The following POLR1F variants were observed in gnomAD, a reference collection of about 807,000 sequenced individuals.
POLR1F encodes the protein RNA polymerase I subunit F.
POLR1F carries 23 observed loss-of-function variants against 21.8 expected under a neutral mutation model. The observed-to-expected ratio is 1.05, with a 90% CI of 0.76 to 1.49. The LOEUF is 1.49. Ranked by LOEUF, POLR1F falls within the 40% of genes most tolerant of loss-of-function variation. The probability of loss-of-function intolerance (pLI) is 0.00; values close to 1 mark genes in which losing one functional copy is unlikely to be tolerated. For synonymous variants in POLR1F, 162 were observed against 152.8 expected (o/e 1.06, Z -0.45); for missense variants, 435 against 412.1 (o/e 1.06, Z -0.48).
chr7:19,707,159 A>C (rs866191524), intron 1 of POLR1F, among the ~76,000 whole-genome samples: 60 of 152,196 alleles, frequency 3.9e-4, no homozygotes, highest in African/African-American at 1.4e-3. Context: ...ACATTATCTT[A>C]ATTCCTCTCC....
rs112570349 is a variant in POLR1F, at chr7:19,704,282, T to G, written c.396+497A>C. Among the ~76,000 whole-genome samples, 981 of 152,264 alleles carry G rather than the reference T, an allele frequency of 6.4e-3. 7 individuals are homozygous for G. Among genetic ancestry groups the G allele is most frequent in the Middle Eastern group, 0.01 (3 of 294 alleles). ...TAAAAAAGGATCTATTTCAGCAGAT[T>G]TTGTATCAATATCTGCATTTCCAGC... On this transcript the variant is annotated intron_variant, in intron 2 of 3. Transcript: ENST00000222567.
chr7:19,698,880 G>A lies in POLR1F; in HGVS notation c.606-153C>T, dbSNP rs367908865. 2.6e-5 allele frequency among the ~76,000 whole-genome samples: 4 copies of A among 152,024 alleles called. No individual in the cohort carries two copies. The East Asian group carries it at 7.7e-4, about 29-fold the overall frequency. ...GCATAAATTCCAAATATTCTATCCT[G>A]TTATCCCTCAACCCACTAAAATATG... On this transcript the variant is annotated intron_variant, in intron 3 of 3. Coordinates refer to ENST00000222567, the MANE Select transcript of POLR1F (RefSeq NM_001002926.2).
chr7:19,702,246 T>G (rs1783455301), intron 2 of POLR1F, among the ~76,000 whole-genome samples: 1 of 152,226 alleles, frequency 6.6e-6, no homozygotes, highest in Non-Finnish European at 1.5e-5. Context: ...ATATGGGAAC[T>G]CTATACTCTC....
At chr7:19,701,441 T>A (rs566409723) in intron 2 of POLR1F, among the ~76,000 whole-genome samples, 1 of 152,268 alleles carries the variant, frequency 6.6e-6, no homozygotes, top group South Asian at 2.1e-4. Context: ...GGATAACTAT[T>A]CCGTATCATA....
At chr7:19,707,293 G>C (rs11768474) in intron 1 of POLR1F, among the ~76,000 whole-genome samples, 3 of 152,126 alleles carry the variant, frequency 2.0e-5, no homozygotes, top group Non-Finnish European at 4.4e-5. Context: ...CCAAGTCTCA[G>C]CGTTAAAGGG....
chr7:19,701,660 T>A (rs996314325), intron 2 of POLR1F, among the ~76,000 whole-genome samples: 7 of 152,190 alleles, frequency 4.6e-5, no homozygotes, highest in African/African-American at 1.7e-4. Flanking sequence ...CAATAGAGGC[T>A]TCCCCAGTTA....
intron 2 of POLR1F, among the ~76,000 whole-genome samples, chr7:19,701,715 G>GC (rs58265734): frequency 1 from 152,286 of 152,286 alleles, 76,143 homozygotes; most frequent in Non-Finnish European, 1. Flanking sequence ...AAGTCAGATG[G>GC]CCTCTGGGGG....
chr7:19,700,199 G>A lies in POLR1F; in HGVS notation c.478C>T (p.Gln160Ter). 1 of 1,613,850 alleles carries A rather than the reference G, an allele frequency of 6.2e-7. No homozygotes were observed. The highest frequency in any genetic ancestry group is 1.3e-5 in the African/African-American group (1 of 75,002). ...GTTTGCCACTGCTCAGCTGACAACT[G>A]CTCAGGTTTAGGAATGGAGGCATTG... ...CFNASIPKPEQLSAEQWQTME... is the reference protein window; with the variant it reads ...CFNASIPKPE Residue 160 changes from glutamine to a stop codon, truncating the protein, a stop_gained, in exon 3 of 4, where the codon CAG (glutamine) becomes TAG (stop). Coordinates refer to ENST00000222567, the MANE Select transcript of POLR1F (RefSeq NM_001002926.2). LOFTEE classifies it high-confidence loss of function.
chr7:19,699,952 C>T, intron 3 of POLR1F, 120 bp downstream of exon 3: 2 of 771,844 alleles, frequency 2.6e-6, no homozygotes, highest in Non-Finnish European at 4.1e-6. Context: ...ATGAATATTC[C>T]TATAAACAGG....
In POLR1F at chr7:19,696,840, T is replaced by A. The variant is rs962607762; in HGVS notation, c.*1476A>T. The A allele has an allele frequency of 2.0e-5, 3 of 152,132 alleles. No homozygotes were observed. The highest frequency in any genetic ancestry group is 7.2e-5 in the African/African-American group (3 of 41,452). The allele number at this position is 152,132 out of a possible 1,614,324, so 9.4% of individuals were successfully genotyped here. On this transcript the variant is annotated 3_prime_UTR_variant, in exon 4 of 4. Coordinates refer to ENST00000222567, the MANE Select transcript of POLR1F (RefSeq NM_001002926.2). ...TGGTACATCTTTAAAATCTGGTATG[T>A]ATTTTATACTGACAGCACATCTCAA... is the stretch of plus-strand genomic sequence containing the variant.
Position 19,698,202 on chromosome 7 carries a change from A to G in POLR1F, c.*114T>C, listed in dbSNP as rs1783397033. On this transcript the variant is annotated 3_prime_UTR_variant, in exon 4 of 4. Coordinates refer to ENST00000222567, the MANE Select transcript of POLR1F (RefSeq NM_001002926.2). Reference sequence around the variant, plus strand: ...TAAAGCCTCCTACTCCTAGTTAAGTATTTTCTGTTTTGTAAACTACTGGCA... The same window carrying G: ...TAAAGCCTCCTACTCCTAGTTAAGTGTTTTCTGTTTTGTAAACTACTGGCA... 1 of 962,214 alleles carries G rather than the reference A, an allele frequency of 1.0e-6. No individual in the cohort carries two copies. The highest frequency in any genetic ancestry group is 3.0e-5 in the East Asian group (1 of 33,302). The allele number at this position is 962,214 out of a possible 1,614,324, so 59.6% of individuals were successfully genotyped here.
At position 19,698,602 on chromosome 7, in the gene POLR1F, G is replaced by A; in HGVS notation, c.731C>T (p.Thr244Ile). 1.9e-6 allele frequency: 3 copies of A among 1,613,174 alleles called. No individual in the cohort carries two copies. Among genetic ancestry groups the A allele is most frequent in the Non-Finnish European group, 2.5e-6 (3 of 1,179,736 alleles). The change falls in exon 4 of 4, where the codon ACC becomes ATC. Residue 244 changes from threonine (T) to isoleucine (I), a missense_variant. By Grantham distance (89) the Thr-to-Ile change is moderately conservative. Coordinates refer to ENST00000222567, the MANE Select transcript of POLR1F (RefSeq NM_001002926.2). ...DPETYEVDSG[T>I]TKLADDADDT... The stretch of plus-strand genomic sequence containing the variant: ...ATCTGCATCATCTGCTAGCTTTGTG[G>A]TACCACTGTCCACTTCATATGTCTC...
chr7:19,700,084 A>G lies in POLR1F; in HGVS notation c.593T>C (p.Leu198Pro), dbSNP rs770863278. 1 of 1,613,436 alleles carries G rather than the reference A, an allele frequency of 6.2e-7. No individual in the cohort carries two copies. The highest frequency in any genetic ancestry group is 8.5e-7 in the Non-Finnish European group (1 of 1,179,420). ...AAGVFCIRGK[L>P]NITSLQFKRS... is the part of the protein sequence containing the mutation. ...ATGATAAACTAACCTTGTGATATTT[A>G]GTTTTCCCCGAATGCAGAATACTCC... The change falls in exon 3 of 4, where the codon CTA (leucine) becomes CCA (proline). Residue 198 changes from leucine (L) to proline (P), a missense_variant. Physicochemically the swap from Leu to Pro is moderately conservative, Grantham distance 98. Transcript: ENST00000222567.
At chr7:19,700,720 C>A (rs1040901861) in intron 2 of POLR1F, among the ~76,000 whole-genome samples, 2 of 152,144 alleles carry the variant, frequency 1.3e-5, no homozygotes, top group Non-Finnish European at 2.9e-5. Flanking sequence ...TAACTGGGAT[C>A]CATGTTACGT....
At chr7:19,700,747 A>C (rs1369782775) in intron 2 of POLR1F, among the ~76,000 whole-genome samples, 1 of 152,228 alleles carries the variant, frequency 6.6e-6, no homozygotes, top group Non-Finnish European at 1.5e-5. Flanking sequence ...AAATAGACCA[A>C]ATTTCAAAGC....
intron 1 of POLR1F, among the ~76,000 whole-genome samples, chr7:19,707,487 T>G (rs1259651604): frequency 6.6e-6 from 1 of 152,190 alleles, no homozygotes; most frequent in Non-Finnish European, 1.5e-5. Flanking sequence ...ATCCAATGCC[T>G]TTCCCCTGAC....
intron 1 of POLR1F, among the ~76,000 whole-genome samples, chr7:19,707,386 A>C (rs192399635): frequency 4.1e-4 from 62 of 152,244 alleles, no homozygotes; most frequent in Admixed American, 9.2e-4. Flanking sequence ...TTACCCCCAA[A>C]ATAACAAAAA....
intron 3 of POLR1F, 87 bp from the exon 4 acceptor site, chr7:19,698,814 AT>A (rs1783411529): frequency 9.7e-6 from 11 of 1,139,682 alleles, no homozygotes; most frequent in Non-Finnish European, 1.3e-5. Context: ...ACAGGCTAAG[AT>A]TTTCTAAATA....
chr7:19,702,506 C>A (rs1783458779), intron 2 of POLR1F, among the ~76,000 whole-genome samples: 1 of 152,082 alleles, frequency 6.6e-6, no homozygotes, highest in African/African-American at 2.4e-5. Flanking sequence ...AACTTTTCGG[C>A]AGACAAATTT....
Sources: gnomAD v4.1 joint callset for allele counts (sites outside exome capture counted in the v4.1 genomes callset) on GRCh38, gnomAD v4.1.1 for gene constraint, MANE v1.5 for transcripts, NCBI Gene and HGNC (gene_info 2026-07-23, HGNC 2026-07-21) for gene names.